PEPD: variants seen among roughly 807,000 people sequenced by gnomAD.
PEPD encodes the protein xaa-Pro dipeptidase.
PEPD carries 53 observed loss-of-function variants against 60.7 expected under a neutral mutation model. The observed-to-expected ratio is 0.87, with a 90% CI of 0.70 to 1.10. The LOEUF is 1.10. PEPD is among the 50% of genes least tolerant of loss of function. The probability of loss-of-function intolerance (pLI) is 0.00; values close to 1 mark genes in which losing one functional copy is unlikely to be tolerated. For missense variants in PEPD, 711 were observed against 711.9 expected, an observed-to-expected ratio of 1.00 and a Z score of 0.01; for synonymous variants, 267 against 284.1, an observed-to-expected ratio of 0.94 and a Z score of 0.60.
chr19:33,518,471 C>T (rs61708025), intron 1 of PEPD, among the ~76,000 whole-genome samples: 11,798 of 152,240 alleles, frequency 0.077, 536 homozygotes, highest in Non-Finnish European at 0.11. Flanking sequence ...ACCTACGGCT[C>T]AACAGGGGTA....
chr19:33,398,099 C>T (rs1459215080), intron 12 of PEPD, among the ~76,000 whole-genome samples: 1 of 152,212 alleles, frequency 6.6e-6, no homozygotes, highest in Non-Finnish European at 1.5e-5. Flanking sequence ...CCACCGAACA[C>T]CCCCCAGGCC....
intron 4 of PEPD, among the ~76,000 whole-genome samples, chr19:33,499,697 T>G (rs1970673043): frequency 6.6e-6 from 1 of 152,158 alleles, no homozygotes; most frequent in East Asian, 1.9e-4. Flanking sequence ...CAGTGGCTGC[T>G]ACAAGGCTGG....
At chr19:33,462,540 C>A (rs956704494) in intron 9 of PEPD, among the ~76,000 whole-genome samples, 1 of 152,228 alleles carries the variant, frequency 6.6e-6, no homozygotes, top group Non-Finnish European at 1.5e-5. Context: ...CTCGCTGCAG[C>A]CCTAATAGGA....
intron 4 of PEPD, among the ~76,000 whole-genome samples, chr19:33,500,267 T>A (rs931664374): frequency 7.2e-5 from 11 of 152,192 alleles, no homozygotes; most frequent in African/African-American, 2.7e-4. Context: ...TGGTTTAGTG[T>A]CAGGGCCTTT....
intron 9 of PEPD, among the ~76,000 whole-genome samples, chr19:33,438,880 C>T (rs1247873630): frequency 6.6e-6 from 1 of 152,226 alleles, no homozygotes. Flanking sequence ...CCACCATGCC[C>T]AGTTAATTTT....
chr19:33,479,398 C>T (rs868772287), intron 6 of PEPD, among the ~76,000 whole-genome samples: 17 of 150,806 alleles, frequency 1.1e-4, no homozygotes, highest in South Asian at 2.1e-4. Context: ...CAAGGATTGG[C>T]GAATGAATTC....
intron 4 of PEPD, among the ~76,000 whole-genome samples, chr19:33,499,725 TG>T (rs1970673617): frequency 6.6e-6 from 1 of 151,892 alleles, no homozygotes. Context: ...CCTCAAAAGA[TG>T]GATAGGAGAA....
At chr19:33,423,538 C>T (rs899210510) in intron 9 of PEPD, among the ~76,000 whole-genome samples, 3 of 152,238 alleles carry the variant, frequency 2.0e-5, no homozygotes, top group African/African-American at 7.2e-5. Flanking sequence ...GGAATGGGAA[C>T]CTGGTGGGTA....
intron 9 of PEPD, among the ~76,000 whole-genome samples, chr19:33,423,005 C>A (rs1057139635): frequency 5.3e-5 from 8 of 152,092 alleles, no homozygotes; most frequent in African/African-American, 1.9e-4. Context: ...ACCTACCTAT[C>A]GTCTATCCAT....
At chr19:33,494,202 G>C (rs1284209295) in intron 4 of PEPD, among the ~76,000 whole-genome samples, 2 of 151,934 alleles carry the variant, frequency 1.3e-5, no homozygotes, top group African/African-American at 4.8e-5. Context: ...TTGTTTCTGA[G>C]CACCCCCTGG....
chr19:33,501,390 C>CTTTAA (rs1970710885), intron 3 of PEPD, among the ~76,000 whole-genome samples: 1 of 152,150 alleles, frequency 6.6e-6, no homozygotes, highest in South Asian at 2.1e-4. Context: ...CATGGAGCAT[C>CTTTAA]TTTAAAGGAA....
intron 3 of PEPD, 24 bp from the exon 4 acceptor site, chr19:33,501,025 T>A: frequency 6.9e-7 from 1 of 1,459,280 alleles, no homozygotes; most frequent in Non-Finnish European, 9.6e-7. Flanking sequence ...ACAAGGAATA[T>A]CAGGGTCAGG....
At chr19:33,499,222 C>G (rs1441605316) in intron 4 of PEPD, among the ~76,000 whole-genome samples, 1 of 152,124 alleles carries the variant, frequency 6.6e-6, no homozygotes, top group Middle Eastern at 3.2e-3. Flanking sequence ...TTAAGAGTCA[C>G]CCCCAAAAGC....
rs2145322384 is a variant in PEPD at position 33,493,286 on chromosome 19, T to G, written c.441+4A>C. ...TGCCCCACCCCTGGACACCAGCCAC[T>G]TACCAAAGTGAGGAGGACAGAGGGC... On this transcript the variant is annotated splice_donor_region_variant and intron_variant, in intron 5 of 14. Coordinates refer to ENST00000244137, the MANE Select transcript of PEPD (RefSeq NM_000285.4). 1 of 1,610,752 alleles carries G rather than the reference T, an allele frequency of 6.2e-7. No homozygotes were observed. Among genetic ancestry groups the G allele is most frequent in the Non-Finnish European group, 8.5e-7 (1 of 1,177,324 alleles).
chr19:33,473,071 C>T (rs1336262271), intron 7 of PEPD, among the ~76,000 whole-genome samples: 1 of 152,006 alleles, frequency 6.6e-6, no homozygotes, highest in Non-Finnish European at 1.5e-5. Flanking sequence ...CAGGGACGGG[C>T]AGACGTGGGG....
chr19:33,418,843 A>G (rs1217859409), intron 9 of PEPD, among the ~76,000 whole-genome samples: 1 of 152,228 alleles, frequency 6.6e-6, no homozygotes, highest in African/African-American at 2.4e-5. Context: ...AGAGGCATTC[A>G]CGTGATGTGT....
chr19:33,496,310 A>G (rs895361951), intron 4 of PEPD, among the ~76,000 whole-genome samples: 2 of 152,190 alleles, frequency 1.3e-5, no homozygotes, highest in Admixed American at 1.3e-4. Flanking sequence ...ATAATGGAGG[A>G]GGGGAGAGCA....
At chr19:33,393,952 G>A (rs1968300921) in intron 12 of PEPD, among the ~76,000 whole-genome samples, 1 of 152,260 alleles carries the variant, frequency 6.6e-6, no homozygotes, top group Non-Finnish European at 1.5e-5. Flanking sequence ...CCTCTCAGAG[G>A]AGACCTTCCT....
At chr19:33,469,408 C>T (rs1970080804) in intron 7 of PEPD, among the ~76,000 whole-genome samples, 1 of 152,182 alleles carries the variant, frequency 6.6e-6, no homozygotes, top group Non-Finnish European at 1.5e-5. Context: ...TTCTCAACTT[C>T]CCGCACCTTC....
Sources: gnomAD v4.1 joint callset for allele counts (sites outside exome capture counted in the v4.1 genomes callset) on GRCh38, gnomAD v4.1.1 for gene constraint, MANE v1.5 for transcripts, NCBI Gene and HGNC (gene_info 2026-07-23, HGNC 2026-07-21) for gene names.